SPAG17: variants seen among roughly 807,000 people sequenced by gnomAD.
The protein encoded by SPAG17 is sperm associated antigen 17.
A neutral mutation model predicts 273.6 loss-of-function variants in SPAG17; 169 were observed. That is an observed-to-expected ratio of 0.62 (90% CI 0.55 to 0.70). The LOEUF (loss-of-function observed/expected upper bound fraction) is 0.70, where lower values mean the gene tolerates loss of function less well. Among genes scored for constraint, SPAG17 ranks in the 30% least tolerant of loss-of-function variants. The pLI is 0.00. For missense variants in SPAG17, 2,557 were observed against 2,627.8 expected, an observed-to-expected ratio of 0.97 and a Z score of 0.59; for synonymous variants, 825 against 873.2, an observed-to-expected ratio of 0.94 and a Z score of 0.97.
chr1:118,083,834 G>A (rs1486147700), intron 13 of SPAG17, among the ~76,000 whole-genome samples: 3 of 152,028 alleles, frequency 2.0e-5, no homozygotes, highest in Non-Finnish European at 4.4e-5. Flanking sequence ...CAAGGTTTTC[G>A]ATAGAAAGTA....
intron 23 of SPAG17, among the ~76,000 whole-genome samples, chr1:118,038,855 T>C (rs1352236598): frequency 6.6e-6 from 1 of 152,144 alleles, no homozygotes; most frequent in African/African-American, 2.4e-5. Context: ...CACATGCCAT[T>C]ATACATTTGT....
chr1:118,159,665 T>TACACG (rs1659816474), intron 1 of SPAG17, among the ~76,000 whole-genome samples: 1 of 152,216 alleles, frequency 6.6e-6, no homozygotes, highest in South Asian at 2.1e-4. Flanking sequence ...CTTTGTACCG[T>TACACG]GTAGCCTCTG....
intron 47 of SPAG17, 177 bp from the exon 48 acceptor site, chr1:117,964,115 C>A: frequency 1.7e-6 from 1 of 592,526 alleles, no homozygotes; most frequent in Non-Finnish European, 2.9e-6. Flanking sequence ...GATGGATATG[C>A]CAATGTCTAG....
rs186152362 is a variant in SPAG17, at chr1:118,070,281, C to T, written c.2386-3382G>A. ...ATTTTAGGAGAGACCACAGGCAACC[C>T]CATTTGTGTGCAGAAATATAGAAAG... On this transcript the variant is annotated intron_variant, in intron 17 of 48. Transcript: ENST00000336338. 7.2e-5 allele frequency among the ~76,000 whole-genome samples: 11 copies of T among 152,168 alleles called. No individual in the cohort carries two copies. In the East Asian group the frequency reaches 1.5e-3, roughly 21 times the overall value.
chr1:118,063,352 A>AACCAAAACAGCATGGTACTGGT, intron 18 of SPAG17, among the ~76,000 whole-genome samples: 1 of 152,330 alleles, frequency 6.6e-6, no homozygotes, highest in East Asian at 1.9e-4. Flanking sequence ...AGGCTACAGT[A>AACCAAAACAGCATGGTACTGGT]ACCAAAACAG....
intron 20 of SPAG17, among the ~76,000 whole-genome samples, chr1:118,049,364 G>T (rs563823200): frequency 1.3e-5 from 2 of 152,266 alleles, no homozygotes; most frequent in South Asian, 4.1e-4. Flanking sequence ...CATTTGAAAG[G>T]CTCATTCCTC....
intron 29 of SPAG17, among the ~76,000 whole-genome samples, chr1:118,014,980 C>T (rs891118390): frequency 1.3e-5 from 2 of 152,016 alleles, no homozygotes; most frequent in Non-Finnish European, 2.9e-5. Flanking sequence ...TAAAAGTCCC[C>T]AAAGAAATCC....
chr1:118,012,418 T>A, intron 29 of SPAG17, 46 bp from the exon 30 acceptor site: 8 of 1,588,620 alleles, frequency 5.0e-6, no homozygotes, highest in Non-Finnish European at 6.8e-6. Context: ...ACATGGTTCA[T>A]CCCAAGTGTA....
chr1:118,140,889 G>A (rs1160650972), intron 3 of SPAG17, among the ~76,000 whole-genome samples: 2 of 152,210 alleles, frequency 1.3e-5, no homozygotes, highest in African/African-American at 2.4e-5. Context: ...GCCAGCAGAT[G>A]TGGCCTCTTT....
At chr1:118,142,224 C>T (rs1191722328) in intron 3 of SPAG17, among the ~76,000 whole-genome samples, 1 of 152,176 alleles carries the variant, frequency 6.6e-6, no homozygotes, top group Non-Finnish European at 1.5e-5. Context: ...CCAGGCACAA[C>T]AAGACAAATA....
At chr1:118,170,005 T>C (rs965867830) in intron 1 of SPAG17, among the ~76,000 whole-genome samples, 1 of 152,202 alleles carries the variant, frequency 6.6e-6, no homozygotes, top group Non-Finnish European at 1.5e-5. Flanking sequence ...GAAATATCTC[T>C]GAAAAGTGAA....
At chr1:118,160,289 ATTT>A (rs1659850434) in intron 1 of SPAG17, among the ~76,000 whole-genome samples, 1 of 152,208 alleles carries the variant, frequency 6.6e-6, no homozygotes, top group Non-Finnish European at 1.5e-5. Context: ...AATAAGATAT[ATTT>A]TTAAGACTTA....
At chr1:118,163,645 T>C (rs534985652) in intron 1 of SPAG17, among the ~76,000 whole-genome samples, 77 of 151,238 alleles carry the variant, frequency 5.1e-4, no homozygotes, top group Admixed American at 1.5e-3. Context: ...CACTCCTCTT[T>C]CCTCTCTATC....
At chr1:118,134,064 T>C (rs187769072) in intron 3 of SPAG17, among the ~76,000 whole-genome samples, 1 of 152,226 alleles carries the variant, frequency 6.6e-6, no homozygotes, top group South Asian at 2.1e-4. Flanking sequence ...GACTGTAAAT[T>C]CATACAAATT....
intron 45 of SPAG17, 47 bp downstream of exon 45, chr1:117,971,814 CAG>C (rs758794646): frequency 2.6e-6 from 4 of 1,510,870 alleles, no homozygotes; most frequent in South Asian, 2.5e-5. Flanking sequence ...AGACAAGTCA[CAG>C]GGTAGGGAAA....
intron 1 of SPAG17, among the ~76,000 whole-genome samples, chr1:118,184,081 A>G (rs1192855516): frequency 1.5e-5 from 2 of 130,996 alleles, no homozygotes; most frequent in Non-Finnish European, 3.3e-5. Context: ...TGTTAATAGG[A>G]AAAAAAAACA....
chr1:118,100,231 T>C (rs1305727471), intron 5 of SPAG17, among the ~76,000 whole-genome samples: 2 of 152,202 alleles, frequency 1.3e-5, no homozygotes, highest in Admixed American at 6.5e-5. Context: ...AGGGAAATAA[T>C]GAATATGGAC....
intron 32 of SPAG17, among the ~76,000 whole-genome samples, chr1:117,997,575 A>AAG (rs1657791829): frequency 6.6e-6 from 1 of 151,508 alleles, no homozygotes; most frequent in Non-Finnish European, 1.5e-5. Flanking sequence ...GTAAAAAAAA[A>AAG]AAAAAAAAGA....
At chr1:117,957,253 C>T (rs1036242246) in intron 48 of SPAG17, 2 of 1,548,908 alleles carry the variant, frequency 1.3e-6, no homozygotes, top group African/African-American at 2.8e-5. Flanking sequence ...TTCAGTAGTA[C>T]CTTAACTGAA....
Sources: gnomAD v4.1 joint callset for allele counts (sites outside exome capture counted in the v4.1 genomes callset) on GRCh38, gnomAD v4.1.1 for gene constraint, MANE v1.5 for transcripts, NCBI Gene and HGNC (gene_info 2026-07-23, HGNC 2026-07-21) for gene names.